KIF13A: variants seen among roughly 807,000 people sequenced by gnomAD.
KIF13A encodes the protein kinesin family member 13A.
KIF13A carries 79 observed loss-of-function variants against 212.2 expected under a neutral mutation model. The observed-to-expected ratio is 0.37, with a 90% CI of 0.31 to 0.45. The LOEUF is 0.45. KIF13A is among the 20% of genes least tolerant of loss of function. The pLI, the probability that KIF13A is intolerant of heterozygous loss-of-function variation, is 1.00. For missense variants in KIF13A, 1,901 were observed against 2,209.0 expected, an observed-to-expected ratio of 0.86 and a Z score of 2.79; for synonymous variants, 789 against 808.6, an observed-to-expected ratio of 0.98 and a Z score of 0.41.
At position 17,984,141 on chromosome 6, in the gene KIF13A, CAG is replaced by C. The variant is rs1781344400; in HGVS notation, c.146+2911_146+2912del. On this transcript the variant is annotated intron_variant, in intron 2 of 38. Transcript: ENST00000259711. The surrounding 1 kb of genome is among the most constrained non-coding windows in gnomAD (Gnocchi z 5.0). Reference sequence around the variant, plus strand: ...AGCCTCCAGGGAGAGAAAGAGGAAACAGAGAATTTTGAAATTATGTGGTTCAT... The same window carrying C: ...AGCCTCCAGGGAGAGAAAGAGGAAACAGAATTTTGAAATTATGTGGTTCAT... Among the ~76,000 whole-genome samples, 1 of 152,182 alleles carries C rather than the reference CAG, an allele frequency of 6.6e-6. No homozygotes were observed. The highest frequency in any genetic ancestry group is 6.5e-5 in the Admixed American group (1 of 15,280).
intron 2 of KIF13A, among the ~76,000 whole-genome samples, chr6:17,964,186 CTAAT>C (rs1779100223): frequency 1.3e-5 from 2 of 152,186 alleles, no homozygotes; most frequent in Admixed American, 6.5e-5. Flanking sequence ...TAGCCAAGAA[CTAAT>C]TATTCAGTTT....
At chr6:17,782,975 T>C (rs975510770) in intron 29 of KIF13A, among the ~76,000 whole-genome samples, 1 of 152,182 alleles carries the variant, frequency 6.6e-6, no homozygotes, top group African/African-American at 2.4e-5. Flanking sequence ...ATTCTTCACA[T>C]GAAGAGCCAA....
chr6:17,987,400 G>A lies in KIF13A; in HGVS notation c.55+9C>T, dbSNP rs773794702. The stretch of plus-strand genomic sequence containing the variant: ...GAGCAGAAATAAAAAAGAGCGGAAA[G>A]CTCCTCACCTCGTCGGTTCATGGGC... On this transcript the variant is annotated intron_variant, in intron 1 of 38. Coordinates refer to ENST00000259711, the MANE Select transcript of KIF13A (RefSeq NM_022113.6). This position sits in a 1 kb window ranked among gnomAD's most constrained non-coding sequence, Gnocchi z 7.7. 3.7e-6 allele frequency: 5 copies of A among 1,368,518 alleles called. No individual in the cohort carries two copies. Among genetic ancestry groups the A allele is most frequent in the Non-Finnish European group, 4.8e-6 (5 of 1,032,238 alleles). 84.8% of individuals were successfully genotyped at this position (1,368,518 alleles called of 1,614,324 possible).
At chr6:17,938,864 T>TA (rs1776713813) in intron 2 of KIF13A, among the ~76,000 whole-genome samples, 1 of 151,892 alleles carries the variant, frequency 6.6e-6, no homozygotes, top group African/African-American at 2.4e-5. Context: ...AGTTGTGTTG[T>TA]TATATAAGGA....
intron 2 of KIF13A, among the ~76,000 whole-genome samples, chr6:17,937,491 C>T (rs765314698): frequency 1.2e-4 from 19 of 152,286 alleles, no homozygotes; most frequent in Non-Finnish European, 2.2e-4. Flanking sequence ...CACAGTAAAT[C>T]TAATTGTGTC....
intron 3 of KIF13A, among the ~76,000 whole-genome samples, chr6:17,896,872 C>T (rs1772614634): frequency 6.6e-6 from 1 of 152,182 alleles, no homozygotes; most frequent in Non-Finnish European, 1.5e-5. Context: ...TACTACAAGA[C>T]TGACTCTTCT....
chr6:17,764,985 T>C lies in KIF13A; in HGVS notation c.4582-39A>G. 1 of 1,467,052 alleles carries C rather than the reference T, an allele frequency of 6.8e-7. No homozygotes were observed. The highest frequency in any genetic ancestry group is 2.1e-5 in the Admixed American group (1 of 48,570). The allele number at this position is 1,467,052 out of a possible 1,614,324, so 90.9% of individuals were successfully genotyped here. The stretch of plus-strand genomic sequence containing the variant: ...GCAAAAGTCAGTCATTAGCTCCTTG[T>C]AGCAACTGTACTGTTGAGACAAGTT... On this transcript the variant is annotated intron_variant, in intron 38 of 38. Coordinates refer to ENST00000259711, the MANE Select transcript of KIF13A (RefSeq NM_022113.6). This position sits in a 1 kb window ranked among gnomAD's most constrained non-coding sequence, Gnocchi z 5.1.
chr6:17,987,304 G>A lies in KIF13A; in HGVS notation c.55+105C>T. On this transcript the variant is annotated intron_variant, in intron 1 of 38. Transcript: ENST00000259711. This position sits in a 1 kb window ranked among gnomAD's most constrained non-coding sequence, Gnocchi z 7.7. ...CAGCGCGGACGCCGCCTCCGCCCCGGCCCCCCGGCCCCGGCCGCGCTCTCG... is the reference window on the plus strand; with the variant it reads ...CAGCGCGGACGCCGCCTCCGCCCCGACCCCCCGGCCCCGGCCGCGCTCTCG... The A allele has an allele frequency of 2.2e-6, 2 of 907,116 alleles. No individual in the cohort carries two copies. The highest frequency in any genetic ancestry group is 6.1e-5 in the South Asian group (2 of 32,854). 56.2% of individuals were successfully genotyped at this position (907,116 alleles called of 1,614,324 possible).
intron 4 of KIF13A, among the ~76,000 whole-genome samples, chr6:17,860,158 C>T (rs1355654609): frequency 6.6e-6 from 1 of 152,114 alleles, no homozygotes; most frequent in Non-Finnish European, 1.5e-5. Context: ...ATAATTTTTA[C>T]AGACTGTCAG....
chr6:17,913,726 G>A (rs764256609), intron 2 of KIF13A, among the ~76,000 whole-genome samples: 1 of 152,154 alleles, frequency 6.6e-6, no homozygotes, highest in African/African-American at 2.4e-5. Context: ...ATCCACCGAG[G>A]GGGGATTGAC....
At chr6:17,836,354 C>G (rs190568180) in intron 11 of KIF13A, among the ~76,000 whole-genome samples, 115 of 152,262 alleles carry the variant, frequency 7.6e-4, no homozygotes, top group East Asian at 3.9e-4. Flanking sequence ...CATACTTTCC[C>G]ACTGAAAGTT....
Position 17,777,138 on chromosome 6 carries a change from G to A in KIF13A, c.4170+139C>T. 1 of 682,538 alleles carries A rather than the reference G, an allele frequency of 1.5e-6. No individual in the cohort carries two copies. Among genetic ancestry groups the A allele is most frequent in the Non-Finnish European group, 2.7e-6 (1 of 376,416 alleles). 42.3% of individuals were successfully genotyped at this position (682,538 alleles called of 1,614,324 possible). A position where few individuals can be genotyped will look rare whatever the true frequency, so the allele number is the denominator to read the frequency against. ...CTGTGCTGCCTGGTGTGTGTCCCTGGTACAGAGAAGCAGGCTACACTTTGG... is the reference window on the plus strand; with the variant it reads ...CTGTGCTGCCTGGTGTGTGTCCCTGATACAGAGAAGCAGGCTACACTTTGG... On this transcript the variant is annotated intron_variant, in intron 34 of 38. Coordinates refer to ENST00000259711, the MANE Select transcript of KIF13A (RefSeq NM_022113.6). This position sits in a 1 kb window ranked among gnomAD's most constrained non-coding sequence, Gnocchi z 4.4.
At chr6:17,949,921 AAC>A (rs1233253474) in intron 2 of KIF13A, among the ~76,000 whole-genome samples, 1 of 152,162 alleles carries the variant, frequency 6.6e-6, no homozygotes, top group African/African-American at 2.4e-5. Context: ...ACATTCATAA[AAC>A]ACACTGATTA....
rs954738148 is a variant in KIF13A at position 17,783,789 on chromosome 6, A to G, written c.3489-88T>C. 10 of 866,692 alleles carry G rather than the reference A, an allele frequency of 1.2e-5. No individual in the cohort carries two copies. Among genetic ancestry groups the G allele is most frequent in the Admixed American group, 2.0e-5 (1 of 49,530 alleles). The allele number at this position is 866,692 out of a possible 1,614,324, so 53.7% of individuals were successfully genotyped here. A position where few individuals can be genotyped will look rare whatever the true frequency, so the allele number is the denominator to read the frequency against. ...AAACACCACAGAGCTGTGGAAGCAA[A>G]GAGAACCATGGTGGAGATGCAGTTT... On this transcript the variant is annotated intron_variant, in intron 28 of 38. Transcript: ENST00000259711. This position sits in a 1 kb window ranked among gnomAD's most constrained non-coding sequence, Gnocchi z 4.3.
Position 17,987,378 on chromosome 6 carries a change from C to T in KIF13A, c.55+31G>A. On this transcript the variant is annotated intron_variant, in intron 1 of 38. Transcript: ENST00000259711. The surrounding 1 kb of genome is among the most constrained non-coding windows in gnomAD (Gnocchi z 7.7). ...AAGTTGCCCCCGCCCTCAGCCCGAG[C>T]AGAAATAAAAAAGAGCGGAAAGCTC... The T allele has an allele frequency of 7.5e-7, 1 of 1,340,680 alleles. No homozygotes were observed. The highest frequency in any genetic ancestry group is 9.8e-7 in the Non-Finnish European group (1 of 1,015,710). 83.0% of individuals were successfully genotyped at this position (1,340,680 alleles called of 1,614,324 possible).
rs948422062 is a variant in KIF13A, at chr6:17,856,573, G to A, written c.221-451C>T. Among the ~76,000 whole-genome samples, 20 of 152,304 alleles carry A rather than the reference G, an allele frequency of 1.3e-4. No individual in the cohort carries two copies. Among genetic ancestry groups the A allele is most frequent in the African/African-American group, 2.9e-4 (12 of 41,552 alleles). ...TTGTACATGCCAAGTGCTAAAAACC[G>A]TTAGTTGCTGAGGATGGATTGACAA... On this transcript the variant is annotated intron_variant, in intron 4 of 38. Transcript: ENST00000259711. The surrounding 1 kb of genome is among the most constrained non-coding windows in gnomAD (Gnocchi z 4.5).
chr6:17,890,426 G>A (rs2150468518), intron 3 of KIF13A, among the ~76,000 whole-genome samples: 1 of 152,118 alleles, frequency 6.6e-6, no homozygotes, highest in Admixed American at 6.5e-5. Flanking sequence ...AGGCCACCTG[G>A]GGATGCAGAA....
At chr6:17,806,786 A>G (rs1191097609) in intron 18 of KIF13A, among the ~76,000 whole-genome samples, 3 of 152,100 alleles carry the variant, frequency 2.0e-5, no homozygotes, top group Admixed American at 6.6e-5. Flanking sequence ...GGCTGAGGCA[A>G]GAGAATCACT....
intron 4 of KIF13A, among the ~76,000 whole-genome samples, chr6:17,857,338 G>C (rs1339023238): frequency 6.6e-6 from 1 of 152,202 alleles, no homozygotes; most frequent in Non-Finnish European, 1.5e-5. Context: ...GAGACGATTG[G>C]ATCATGGGGG....
Sources: allele counts gnomAD v4.1 joint callset (sites outside exome capture counted in the v4.1 genomes callset), GRCh38; gene constraint gnomAD v4.1.1; non-coding constraint Gnocchi (gnomAD v3.1); transcripts MANE v1.5; gene names NCBI Gene and HGNC (gene_info 2026-07-23, HGNC 2026-07-21).